M1AP: variants seen among roughly 807,000 people sequenced by gnomAD.
The protein encoded by M1AP is meiosis 1 arrest protein.
A neutral mutation model predicts 51.2 loss-of-function variants in M1AP; 39 were observed. The ratio of observed to expected loss-of-function variants is 0.76; its 90% confidence interval spans 0.59 to 1.00. The LOEUF is 1.00. Ranked by LOEUF, M1AP falls within the 50% of genes least tolerant of loss-of-function variation. The pLI, the probability that M1AP is intolerant of heterozygous loss-of-function variation, is 0.00. For synonymous variants in M1AP, 251 were observed against 249.2 expected (o/e 1.01, Z -0.07); for missense variants, 545 against 641.2 (o/e 0.85, Z 1.62).
At chr2:74,576,340 G>A (rs1190596870) in intron 6 of M1AP, 116 bp downstream of exon 6, 32 of 1,140,316 alleles carry the variant, frequency 2.8e-5, no homozygotes, top group Non-Finnish European at 3.5e-5. Flanking sequence ...TGCTACTTCG[G>A]AACTGACTCT....
intron 4 of M1AP, among the ~76,000 whole-genome samples, chr2:74,599,623 T>A (rs1558670628): frequency 6.6e-6 from 1 of 152,190 alleles, no homozygotes; most frequent in Non-Finnish European, 1.5e-5. Flanking sequence ...TCTATTCCTA[T>A]GTAAATATGA....
chr2:74,571,602 G>A (rs73949689), intron 7 of M1AP, among the ~76,000 whole-genome samples: 27,219 of 152,158 alleles, frequency 0.18, 3,799 homozygotes, highest in East Asian at 0.82. Context: ...TTAATGAGCT[G>A]AAGTTTGTGA....
intron 1 of M1AP, among the ~76,000 whole-genome samples, chr2:74,641,107 T>A (rs900782707): frequency 1.3e-5 from 2 of 152,196 alleles, no homozygotes; most frequent in Admixed American, 1.3e-4. Flanking sequence ...TTGGTTAAAA[T>A]TCTTTGGTTG....
intron 2 of M1AP, among the ~76,000 whole-genome samples, chr2:74,635,360 TATTTTCTTTTTCTA>T (rs1682925493): frequency 6.6e-6 from 1 of 152,112 alleles, no homozygotes; most frequent in African/African-American, 2.4e-5. Flanking sequence ...TGGTAATCTG[TATTTTCTTTTTCTA>T]TTTTCCTTGT....
intron 4 of M1AP, among the ~76,000 whole-genome samples, chr2:74,596,011 A>G (rs1230625952): frequency 6.6e-6 from 1 of 152,246 alleles, no homozygotes; most frequent in Non-Finnish European, 1.5e-5. Context: ...ATAAATTAAC[A>G]TGAAATTGAA....
At chr2:74,576,246 C>T (rs888797732) in intron 6 of M1AP, among the ~76,000 whole-genome samples, 3 of 152,218 alleles carry the variant, frequency 2.0e-5, no homozygotes, top group African/African-American at 7.2e-5. Context: ...GAGTGTTCTA[C>T]TGCAGCGCTT....
intron 4 of M1AP, among the ~76,000 whole-genome samples, chr2:74,582,576 T>C (rs902335488): frequency 6.6e-6 from 1 of 152,228 alleles, no homozygotes; most frequent in African/African-American, 2.4e-5. Flanking sequence ...TATATGTAAA[T>C]GCATTTTACA....
chr2:74,562,545 T>G (rs1558645199), intron 7 of M1AP, 122 bp from the exon 8 acceptor site: 5 of 1,011,642 alleles, frequency 4.9e-6, no homozygotes, highest in Non-Finnish European at 7.3e-6. Context: ...CCATTTAACT[T>G]CGGCCCTGGT....
rs1396110315 is a variant in M1AP at position 74,640,054 on chromosome 2, C to G, written c.222G>C (p.Glu74Asp). ...TACTTACCACAAAAGGGAGGATGCA[C>G]TCATGCTGATCTTGTACCATGTATA... ...FSLYMVQDQH[E>D]CILPFVQVKG... The change falls in exon 2 of 11, where the codon GAG becomes GAC. Residue 74 changes from glutamate (E) to aspartate (D), a missense_variant. By Grantham distance (45) the Glu-to-Asp change is conservative (BLOSUM62 2). Transcript: ENST00000421985. The G allele has an allele frequency of 1.2e-6, 2 of 1,614,146 alleles. No homozygotes were observed.
intron 1 of M1AP, among the ~76,000 whole-genome samples, chr2:74,641,349 T>C (rs978458522): frequency 2.6e-5 from 4 of 152,158 alleles, no homozygotes; most frequent in African/African-American, 4.8e-5. Context: ...GTGAGAACAA[T>C]TGAGAACAAA....
chr2:74,575,655 T>C, intron 6 of M1AP, 76 bp from the exon 7 acceptor site: 2 of 1,189,242 alleles, frequency 1.7e-6, no homozygotes, highest in South Asian at 2.7e-5. Context: ...TCAATTCAGC[T>C]TAACTCTAAG....
intron 8 of M1AP, chr2:74,561,847 T>C: frequency 1.0e-6 from 1 of 979,610 alleles, no homozygotes; most frequent in African/African-American, 1.7e-5. Context: ...GTTTCCACTC[T>C]GTGATGCTCC....
rs1420425895 is a variant in M1AP, at chr2:74,647,856, T to C, written c.-53+409A>G. ...TTGCAGTGAGCCGAGATCACGCCAT[T>C]GCACTCCAGCTTGGGCAACAAGGGT... On this transcript the variant is annotated intron_variant, in intron 1 of 10. Transcript: ENST00000421985. 4 of 217,988 alleles carry C rather than the reference T, an allele frequency of 1.8e-5. No homozygotes were observed. The Admixed American group carries it at 2.6e-4, about 14-fold the overall frequency. 13.5% of individuals were successfully genotyped at this position (217,988 alleles called of 1,614,324 possible).
chr2:74,576,381 A>C, intron 6 of M1AP, 75 bp downstream of exon 6: 1 of 1,481,320 alleles, frequency 6.8e-7, no homozygotes, highest in Admixed American at 1.8e-5. Flanking sequence ...GATACCATCT[A>C]TCTCTGGAGT....
intron 2 of M1AP, chr2:74,619,428 G>A (rs1170003180): frequency 6.3e-6 from 1 of 159,672 alleles, no homozygotes; most frequent in African/African-American, 2.4e-5. Context: ...AGGCTCAAAG[G>A]ATGCTCTGAG....
At chr2:74,560,991 A>T (rs1340709506) in intron 8 of M1AP, among the ~76,000 whole-genome samples, 1 of 151,150 alleles carries the variant, frequency 6.6e-6, no homozygotes, top group Non-Finnish European at 1.5e-5. Flanking sequence ...GGAGACTAGC[A>T]GAGCAAATAT....
intron 3 of M1AP, among the ~76,000 whole-genome samples, chr2:74,609,639 T>C (rs1681213468): frequency 6.6e-6 from 1 of 152,240 alleles, no homozygotes; most frequent in African/African-American, 2.4e-5. Flanking sequence ...CTTCATATTG[T>C]TCTCCATAGT....
chr2:74,566,645 C>CA, intron 7 of M1AP, among the ~76,000 whole-genome samples: 1 of 135,910 alleles, frequency 7.4e-6, no homozygotes, highest in African/African-American at 2.7e-5. Flanking sequence ...CTGTCTATCC[C>CA]CCCCACCCGC....
intron 2 of M1AP, 70 bp downstream of exon 2, chr2:74,639,966 A>G: frequency 7.5e-7 from 1 of 1,326,896 alleles, no homozygotes; most frequent in Non-Finnish European, 1.1e-6. Flanking sequence ...AATAACTGTG[A>G]TCTCTATTCC....
Sources: allele counts gnomAD v4.1 joint callset (sites outside exome capture counted in the v4.1 genomes callset), GRCh38; gene constraint gnomAD v4.1.1; transcripts MANE v1.5; gene names NCBI Gene and HGNC (gene_info 2026-07-23, HGNC 2026-07-21).